Variants in CTNNA3 observed in about 807,000 individuals in gnomAD.
CTNNA3 encodes catenin alpha 3.
CTNNA3 carries 76 observed loss-of-function variants against 95.7 expected under a neutral mutation model. The ratio of observed to expected loss-of-function variants is 0.79; its 90% CI spans 0.66 to 0.96. The LOEUF is 0.96. Among genes scored for constraint, CTNNA3 ranks in the 40% least tolerant of loss-of-function variants. The probability of loss-of-function intolerance (pLI) is 0.00; values close to 1 mark genes in which losing one functional copy is unlikely to be tolerated. For missense variants in CTNNA3, 1,191 were observed against 1,089.8 expected, an observed-to-expected ratio of 1.09 and a Z score of -1.31; for synonymous variants, 431 against 374.4, an observed-to-expected ratio of 1.15 and a Z score of -1.74.
rs538905151 is a variant in CTNNA3, at chr10:66,231,355, C to T, written c.1884+49115G>A. ...ATGCCTCAGAGGGTTTTTGATATTT[C>T]GTAATAGAAAAAAAAATCATAAGAT... On this transcript the variant is annotated intron_variant, in intron 13 of 17. Transcript: ENST00000433211. Among the ~76,000 whole-genome samples the T allele has an allele frequency of 3.3e-5, 5 of 151,748 alleles. No homozygotes were observed. In the South Asian group the frequency reaches 1.0e-3, roughly 32 times the overall value.
intron 9 of CTNNA3, among the ~76,000 whole-genome samples, chr10:66,651,780 G>A (rs1387942998): frequency 2.1e-5 from 1 of 47,168 alleles, no homozygotes; most frequent in Non-Finnish European, 3.9e-5. Context: ...CCAAGCCCAC[G>A]CCCACCCAGA....
rs911988614 is a variant in CTNNA3 at position 66,069,423 on chromosome 10, T to C, written c.2044A>G (p.Lys682Glu). ...KIAEQVADFK[K>E]VKSKLDAEIE... ...TCAGCATCCAGCTTACTCTTTACTT[T>C]CTTGAAATCAGCAACTTGCTCAGCA... Residue 682 changes from lysine (K) to glutamate (E), a missense_variant, in exon 15 of 18, where the codon AAA becomes GAA. Lys to Glu is a moderately conservative substitution (Grantham distance 56). Transcript: ENST00000433211. 1.9e-6 allele frequency: 3 copies of C among 1,613,544 alleles called. No homozygotes were observed. The highest frequency in any genetic ancestry group is 1.3e-5 in the African/African-American group (1 of 74,902).
At chr10:66,686,001 A>G (rs1276173349) in intron 9 of CTNNA3, among the ~76,000 whole-genome samples, 2 of 152,204 alleles carry the variant, frequency 1.3e-5, no homozygotes, top group East Asian at 3.8e-4. Context: ...ATCTACTTAT[A>G]TAACACTCAT....
intron 2 of CTNNA3, among the ~76,000 whole-genome samples, chr10:67,641,526 T>C (rs957811693): frequency 3.3e-5 from 5 of 152,222 alleles, no homozygotes; most frequent in African/African-American, 9.6e-5. Context: ...CAAAGGATTA[T>C]AAATCATGCT....
chr10:66,564,738 G>C (rs1240751797), intron 10 of CTNNA3, among the ~76,000 whole-genome samples: 3 of 152,180 alleles, frequency 2.0e-5, no homozygotes, highest in African/African-American at 7.2e-5. Flanking sequence ...GTGAGGAAGG[G>C]ACAAGGAAGA....
intron 5 of CTNNA3, among the ~76,000 whole-genome samples, chr10:67,278,910 C>G (rs1477881490): frequency 6.6e-6 from 1 of 152,142 alleles, no homozygotes; most frequent in Non-Finnish European, 1.5e-5. Flanking sequence ...GTTTGTAGGG[C>G]ATGATTCCCC....
At chr10:66,220,541 C>G (rs528041835) in intron 13 of CTNNA3, among the ~76,000 whole-genome samples, 3 of 152,110 alleles carry the variant, frequency 2.0e-5, no homozygotes, top group African/African-American at 7.2e-5. Flanking sequence ...TGTCTACGGA[C>G]GGCTTAAGTA....
chr10:66,233,454 A>T (rs889049642), intron 13 of CTNNA3, among the ~76,000 whole-genome samples: 6 of 152,192 alleles, frequency 3.9e-5, no homozygotes, highest in African/African-American at 1.4e-4. Flanking sequence ...CATTTAGAAT[A>T]TGTAAAAGTC....
intron 5 of CTNNA3, among the ~76,000 whole-genome samples, chr10:67,506,871 T>G (rs1197322390): frequency 6.6e-6 from 1 of 152,218 alleles, no homozygotes; most frequent in African/African-American, 2.4e-5. Context: ...CAAATGCTGC[T>G]GAGTCAATAC....
chr10:67,727,942 G>C (rs904347250), intron 1 of CTNNA3, among the ~76,000 whole-genome samples: 2 of 115,856 alleles, frequency 1.7e-5, no homozygotes, highest in Admixed American at 9.3e-5. Context: ...ATATTATGTA[G>C]AATATAGTAT....
intron 11 of CTNNA3, among the ~76,000 whole-genome samples, chr10:66,478,051 CT>C (rs1302072432): frequency 6.6e-6 from 1 of 152,046 alleles, no homozygotes; most frequent in Non-Finnish European, 1.5e-5. Flanking sequence ...ATAGTCAAAT[CT>C]TCCTTTCAAG....
At chr10:66,980,334 G>A (rs115250531) in intron 7 of CTNNA3, among the ~76,000 whole-genome samples, 1,859 of 152,172 alleles carry the variant, frequency 0.012, 32 homozygotes, top group African/African-American at 0.043. Context: ...ACACTAGGGC[G>A]AGGAAATGCT....
At chr10:66,581,354 T>C (rs1281450477) in intron 10 of CTNNA3, among the ~76,000 whole-genome samples, 2 of 151,758 alleles carry the variant, frequency 1.3e-5, no homozygotes, top group East Asian at 3.9e-4. Context: ...AATGTGTATT[T>C]CCACCAGCAG....
intron 7 of CTNNA3, among the ~76,000 whole-genome samples, chr10:66,922,529 T>C (rs955544525): frequency 6.6e-6 from 1 of 152,176 alleles, no homozygotes; most frequent in African/African-American, 2.4e-5. Context: ...TCATGGATAA[T>C]CTTCCCTCTT....
chr10:67,350,159 T>C (rs1430202342), intron 5 of CTNNA3, among the ~76,000 whole-genome samples: 1 of 152,116 alleles, frequency 6.6e-6, no homozygotes, highest in Non-Finnish European at 1.5e-5. Flanking sequence ...TATTAATCTG[T>C]CAAGGTCACT....
chr10:66,827,394 C>G (rs1250343800), intron 7 of CTNNA3, among the ~76,000 whole-genome samples: 1 of 152,170 alleles, frequency 6.6e-6, no homozygotes, highest in Admixed American at 6.5e-5. Context: ...CTCTTCCACT[C>G]AAATCATTAA....
In CTNNA3 at chr10:67,726,964, A is replaced by ATATATATAATATACGATACATATATAAT. The variant is rs1564841519; in HGVS notation, c.-2+36442_-2+36469dup. On this transcript the variant is annotated intron_variant, in intron 1 of 17. Transcript: ENST00000684154. ...CATATATATTATATATTATATAATT[A>ATATATATAATATACGATACATATATAAT]TATATATAATATACGATACATATAT... Among the ~76,000 whole-genome samples the ATATATATAATATACGATACATATATAAT allele has an allele frequency of 6.7e-4, 74 of 110,170 alleles. 6 individuals carry two copies. Among genetic ancestry groups the ATATATATAATATACGATACATATATAAT allele is most frequent in the African/African-American group, 2.6e-3 (69 of 26,842 alleles). 72.3% of individuals were successfully genotyped at this position (110,170 alleles called of 152,430 possible).
At chr10:66,276,160 T>C (rs1009049102) in intron 13 of CTNNA3, among the ~76,000 whole-genome samples, 1 of 152,122 alleles carries the variant, frequency 6.6e-6, no homozygotes, top group East Asian at 1.9e-4. Flanking sequence ...CCCTGATATA[T>C]AGAGTTAGAA....
At chr10:67,295,073 A>G (rs796457576) in intron 5 of CTNNA3, among the ~76,000 whole-genome samples, 4 of 152,332 alleles carry the variant, frequency 2.6e-5, no homozygotes, top group African/African-American at 9.6e-5. Flanking sequence ...TCCTGCCCCC[A>G]TGAAGTGGAC....
Sources: allele counts gnomAD v4.1 joint callset (sites outside exome capture counted in the v4.1 genomes callset), GRCh38; gene constraint gnomAD v4.1.1; transcripts MANE v1.5; gene names NCBI Gene and HGNC (gene_info 2026-07-23, HGNC 2026-07-21).